The following SNAP29 variants were observed in gnomAD, a reference collection of about 807,000 sequenced individuals.
The protein encoded by SNAP29 is synaptosomal-associated protein 29.
A neutral mutation model predicts 27.9 loss-of-function variants in SNAP29; 13 were observed. The observed-to-expected ratio is 0.47, with a 90% CI of 0.30 to 0.74. The LOEUF is 0.74. Among genes scored for constraint, SNAP29 ranks in the 30% least tolerant of loss-of-function variants. SNAP29 has a pLI of 0.06. For missense variants in SNAP29, 368 were observed against 336.5 expected (o/e 1.09, Z -0.73); for synonymous variants, 119 against 127.1 (o/e 0.94, Z 0.43).
chr22:20,875,958 G>A (rs939582107), intron 2 of SNAP29, among the ~76,000 whole-genome samples: 8 of 151,838 alleles, frequency 5.3e-5, no homozygotes, highest in Admixed American at 3.9e-4. Flanking sequence ...TCAGGAGATC[G>A]AGACCATCCT....
chr22:20,860,485 T>A (rs1179405194), intron 1 of SNAP29, among the ~76,000 whole-genome samples: 4 of 148,846 alleles, frequency 2.7e-5, no homozygotes, highest in African/African-American at 4.9e-5. Flanking sequence ...TTCTCCTGCC[T>A]CAGCCTCCCG....
At chr22:20,884,290 C>T (rs1448696068) in intron 4 of SNAP29, among the ~76,000 whole-genome samples, 1 of 151,320 alleles carries the variant, frequency 6.6e-6, no homozygotes, top group Non-Finnish European at 1.5e-5. Flanking sequence ...CAAGATCGCA[C>T]CATTGCACTC....
At chr22:20,862,096 G>A (rs763367303) in intron 1 of SNAP29, among the ~76,000 whole-genome samples, 11 of 152,154 alleles carry the variant, frequency 7.2e-5, no homozygotes, top group Admixed American at 2.0e-4. Context: ...GGTTTTGCCT[G>A]TAGTTCTTAC....
At chr22:20,872,886 G>A (rs1464373267) in intron 2 of SNAP29, among the ~76,000 whole-genome samples, 1 of 132,320 alleles carries the variant, frequency 7.6e-6, no homozygotes, top group African/African-American at 2.8e-5. Flanking sequence ...CTGGAGTGCA[G>A]TGGCACCATC....
intron 4 of SNAP29, among the ~76,000 whole-genome samples, chr22:20,884,756 C>T (rs958983843): frequency 5.5e-5 from 8 of 145,562 alleles, no homozygotes; most frequent in Admixed American, 2.1e-4. Context: ...CAGGCAAGCA[C>T]TTAGTGATTA....
At chr22:20,859,560 C>T (rs1928180266) in intron 1 of SNAP29, 3 of 591,850 alleles carry the variant, frequency 5.1e-6, no homozygotes, top group East Asian at 2.9e-5. Context: ...CAGAAATCTT[C>T]CTTAGCTATT....
At chr22:20,873,451 A>G (rs1334247457) in intron 2 of SNAP29, among the ~76,000 whole-genome samples, 1 of 150,590 alleles carries the variant, frequency 6.6e-6, no homozygotes, top group African/African-American at 2.4e-5. Context: ...GGAGGAAATT[A>G]GATAACTACT....
intron 2 of SNAP29, among the ~76,000 whole-genome samples, chr22:20,873,868 T>C (rs1928655284): frequency 7.0e-6 from 1 of 142,734 alleles, no homozygotes; most frequent in Admixed American, 7.6e-5. Flanking sequence ...CTTGGGAGGC[T>C]GAGGAGGAGA....
intron 1 of SNAP29, among the ~76,000 whole-genome samples, chr22:20,866,972 G>A (rs1185932458): frequency 6.6e-6 from 1 of 152,182 alleles, no homozygotes; most frequent in Non-Finnish European, 1.5e-5. Flanking sequence ...CCACAGGACT[G>A]TAAGCTCAGT....
chr22:20,874,487 T>A (rs941907221), intron 2 of SNAP29, among the ~76,000 whole-genome samples: 2 of 148,210 alleles, frequency 1.3e-5, no homozygotes, highest in Non-Finnish European at 1.5e-5. Context: ...GGTGGGAGGA[T>A]CACCTGAACC....
At chr22:20,872,411 T>C (rs1488051923) in intron 2 of SNAP29, among the ~76,000 whole-genome samples, 3 of 40,672 alleles carry the variant, frequency 7.4e-5, no homozygotes, top group Non-Finnish European at 1.5e-4. Flanking sequence ...GGCTAATTCT[T>C]TTTTTTTGAG....
chr22:20,863,052 T>C (rs1343395493), intron 1 of SNAP29, among the ~76,000 whole-genome samples: 1 of 152,202 alleles, frequency 6.6e-6, no homozygotes, highest in Non-Finnish European at 1.5e-5. Context: ...CACACTCGAC[T>C]AATTTTTGGT....
intron 2 of SNAP29, among the ~76,000 whole-genome samples, chr22:20,879,713 G>A (rs1928843986): frequency 6.6e-6 from 1 of 151,236 alleles, no homozygotes; most frequent in Admixed American, 6.6e-5. Flanking sequence ...AGGTGTGGTG[G>A]GGGCCTGTAA....
Position 20,883,357 on chromosome 22 carries a change from C to T in SNAP29, c.521-114C>T, listed in dbSNP as rs143059069. 5.5e-3 allele frequency: 4,060 copies of T among 741,498 alleles called. 72 individuals carry two copies. The highest frequency in any genetic ancestry group is 0.029 in the South Asian group (2,130 of 72,912). 45.9% of individuals were successfully genotyped at this position (741,498 alleles called of 1,614,324 possible). On this transcript the variant is annotated intron_variant, in intron 3 of 4. Transcript: ENST00000215730. ...CTCATCCCTCTGGATAGCCTCAGAA[C>T]CAACCCCTTCGTTCCTTCCACCCAT...
In SNAP29 at chr22:20,865,355, A is replaced by C. The variant is rs189678725; in HGVS notation, c.238-4982A>C. ...GGGTGACAAAGTGAGACCCTGTCTC[A>C]AAAAAAAAAAAGAATTAGACCATTG... On this transcript the variant is annotated intron_variant, in intron 1 of 4. Transcript: ENST00000215730. 7.9e-3 allele frequency among the ~76,000 whole-genome samples: 1,145 copies of C among 144,994 alleles called. 10 individuals are homozygous for C. The highest frequency in any genetic ancestry group is 0.058 in the East Asian group (278 of 4,826).
Position 20,888,543 on chromosome 22 carries a change from T to C in SNAP29, c.*707T>C, listed in dbSNP as rs1212644119. 1 of 153,776 alleles carries C rather than the reference T, an allele frequency of 6.5e-6. No individual in the cohort carries two copies. Among genetic ancestry groups the C allele is most frequent in the Non-Finnish European group, 1.4e-5 (1 of 69,084 alleles). 9.5% of individuals were successfully genotyped at this position (153,776 alleles called of 1,614,324 possible). ...CACTGCTCACTGCGACTCCTGGAAA[T>C]GTGTGGGGAATTGGGTGAGCCCCTC... On this transcript the variant is annotated 3_prime_UTR_variant, in exon 5 of 5. Transcript: ENST00000215730.
At position 20,890,328 on chromosome 22, in the gene SNAP29, G is replaced by C; in HGVS notation, c.*2492G>C. On this transcript the variant is annotated 3_prime_UTR_variant, in exon 5 of 5. Transcript: ENST00000215730. ...ATGGAGACAAGCAAAATGGTGCCAG[G>C]GCTGGGCTGACTGTGGGATGGGATT... 1 of 398,560 alleles carries C rather than the reference G, an allele frequency of 2.5e-6. No individual in the cohort carries two copies. Among genetic ancestry groups the C allele is most frequent in the Non-Finnish European group, 4.4e-6 (1 of 226,048 alleles). The allele number at this position is 398,560 out of a possible 1,614,324, so 24.7% of individuals were successfully genotyped here. A position where few individuals can be genotyped will look rare whatever the true frequency, so the allele number is the denominator to read the frequency against.
Position 20,859,091 on chromosome 22 carries a change from C to G in SNAP29, c.-20C>G. ...GGGGCTCCTCCTTCTGTTTCCCAGA[C>G]CGAGAGCCGCGCCGGCACCATGTCA... On this transcript the variant is annotated 5_prime_UTR_variant, in exon 1 of 5. Coordinates refer to ENST00000215730, the MANE Select transcript of SNAP29 (RefSeq NM_004782.4). The G allele has an allele frequency of 6.3e-7, 1 of 1,575,880 alleles. No individual in the cohort carries two copies. Among genetic ancestry groups the G allele is most frequent in the Non-Finnish European group, 8.7e-7 (1 of 1,151,654 alleles).
At chr22:20,883,602 C>T in intron 4 of SNAP29, 33 bp downstream of exon 4, 2 of 1,410,684 alleles carry the variant, frequency 1.4e-6, no homozygotes, top group Non-Finnish European at 2.0e-6. Flanking sequence ...CTTCTGTAAG[C>T]CACTGTCCTT....
Sources: gnomAD v4.1 joint callset for allele counts (sites outside exome capture counted in the v4.1 genomes callset) on GRCh38, gnomAD v4.1.1 for gene constraint, MANE v1.5 for transcripts, NCBI Gene and HGNC (gene_info 2026-07-23, HGNC 2026-07-21) for gene names.